The following CHD1 variants were observed in gnomAD, a reference collection of about 807,000 sequenced individuals.
The protein encoded by CHD1 is chromodomain helicase DNA binding protein 1, also known as ATP-dependent chromatin remodeler CHD1.
A neutral mutation model predicts 224.2 loss-of-function variants in CHD1; 36 were observed. That is an observed-to-expected ratio of 0.16 (90% CI 0.12 to 0.21). CHD1 has a LOEUF of 0.21. Among genes scored for constraint, CHD1 ranks in the 10% least tolerant of loss-of-function variants. The pLI is 1.00. For missense variants in CHD1, 1,378 were observed against 1,994.8 expected, an observed-to-expected ratio of 0.69 and a Z score of 5.89; for synonymous variants, 668 against 658.3, an observed-to-expected ratio of 1.01 and a Z score of -0.23.
chr5:98,921,391 T>C (rs1428440449), intron 2 of CHD1, among the ~76,000 whole-genome samples: 1 of 152,228 alleles, frequency 6.6e-6, no homozygotes, highest in Non-Finnish European at 1.5e-5. Flanking sequence ...AATAGCTTCA[T>C]ATAAATGTAT....
At chr5:98,871,981 T>C (rs1561490988) in intron 28 of CHD1, 70 bp downstream of exon 28, 1 of 1,376,904 alleles carries the variant, frequency 7.3e-7, no homozygotes, top group Non-Finnish European at 9.8e-7. Context: ...TCCAACATAA[T>C]TTAAAAGCAA....
At position 98,855,363 on chromosome 5, in the gene CHD1, C is replaced by G. The variant is rs529310149; in HGVS notation, c.*1017G>C. 2 of 152,452 alleles carry G rather than the reference C, an allele frequency of 1.3e-5. No homozygotes were observed. The highest frequency in any genetic ancestry group is 2.9e-5 in the Non-Finnish European group (2 of 67,960). The allele number at this position is 152,452 out of a possible 1,614,324, so 9.4% of individuals were successfully genotyped here. On this transcript the variant is annotated 3_prime_UTR_variant, in exon 36 of 36. Coordinates refer to ENST00000614616, the MANE Select transcript of CHD1 (RefSeq NM_001270.4). ...TGCCCACATAAAACGGGAAAACAAA[C>G]GGATTTACAATAACTTTTGGCCGTT...
Position 98,873,054 on chromosome 5 carries a change from C to T in CHD1, c.3572-499G>A, listed in dbSNP as rs186987860. Among the ~76,000 whole-genome samples the T allele has an allele frequency of 2.8e-3, 430 of 152,240 alleles. 1 individual carries two copies. Among genetic ancestry groups the T allele is most frequent in the African/African-American group, 9.4e-3 (390 of 41,532 alleles). Reference sequence around the variant, plus strand: ...TGTTGCCCAGGCTGGTCTCAAACTCCTGGGTTCAAGCTAAACTCCCATCTC... The same window carrying T: ...TGTTGCCCAGGCTGGTCTCAAACTCTTGGGTTCAAGCTAAACTCCCATCTC... On this transcript the variant is annotated intron_variant, in intron 26 of 35. Transcript: ENST00000614616.
intron 7 of CHD1, among the ~76,000 whole-genome samples, chr5:98,900,257 G>C (rs902062807): frequency 2.7e-5 from 4 of 147,496 alleles, no homozygotes. Flanking sequence ...ACTCCAGCCT[G>C]GACAACAGAA....
intron 18 of CHD1, among the ~76,000 whole-genome samples, chr5:98,884,883 T>C (rs539909648): frequency 1.3e-5 from 2 of 151,778 alleles, no homozygotes; most frequent in African/African-American, 4.8e-5. Flanking sequence ...GCCCAGTTTA[T>C]TTTTTTTACT....
At chr5:98,858,455 A>G in intron 34 of CHD1, 65 bp from the exon 35 acceptor site, 1 of 1,317,216 alleles carries the variant, frequency 7.6e-7, no homozygotes, top group Non-Finnish European at 1.1e-6. Flanking sequence ...AACTTAGTTG[A>G]TAGATAACAA....
chr5:98,928,320 G>C (rs1753631137), intron 1 of CHD1, among the ~76,000 whole-genome samples: 1 of 152,026 alleles, frequency 6.6e-6, no homozygotes, highest in Admixed American at 6.5e-5. Context: ...AGGGCCGCCG[G>C]GCCGGCGCAA....
chr5:98,923,719 T>G (rs1347869857), intron 2 of CHD1, among the ~76,000 whole-genome samples: 1 of 152,094 alleles, frequency 6.6e-6, no homozygotes, highest in Admixed American at 6.5e-5. Context: ...GGCCACAAGG[T>G]TTAATTTTTT....
chr5:98,924,885 G>A (rs189107825), intron 2 of CHD1, among the ~76,000 whole-genome samples: 2 of 152,130 alleles, frequency 1.3e-5, no homozygotes, highest in East Asian at 3.9e-4. Flanking sequence ...GGCTGAGGTA[G>A]GAGAAACACT....
intron 19 of CHD1, 75 bp from the exon 20 acceptor site, chr5:98,882,198 G>T: frequency 8.1e-7 from 1 of 1,240,074 alleles, no homozygotes; most frequent in South Asian, 1.5e-5. Flanking sequence ...CCTAAACACT[G>T]GCACACAAAT....
chr5:98,880,333 T>A (rs1180362074), intron 22 of CHD1, among the ~76,000 whole-genome samples: 3 of 152,220 alleles, frequency 2.0e-5, no homozygotes, highest in African/African-American at 2.4e-5. Context: ...TTCTGTCTTA[T>A]CTCCCCCTGC....
chr5:98,869,454 GT>G (rs2112302187), intron 30 of CHD1: 1 of 292,776 alleles, frequency 3.4e-6, no homozygotes, highest in South Asian at 7.0e-5. Flanking sequence ...TCCCATTCAA[GT>G]TCATAATACA....
intron 16 of CHD1, among the ~76,000 whole-genome samples, 188 bp from the exon 17 acceptor site, chr5:98,888,428 C>T (rs982059477): frequency 6.6e-6 from 1 of 152,136 alleles, no homozygotes; most frequent in South Asian, 2.1e-4. Flanking sequence ...CTAAAATACC[C>T]TTTGCCATAT....
chr5:98,883,363 C>T (rs1580417623), intron 18 of CHD1, 126 bp from the exon 19 acceptor site: 2 of 493,062 alleles, frequency 4.1e-6, no homozygotes, highest in East Asian at 6.5e-5. Context: ...GACCAATCAA[C>T]AAAAAGACTC....
Position 98,885,879 on chromosome 5 carries a change from T to C in CHD1, c.2497-230A>G, listed in dbSNP as rs1027269640. 1.5e-5 allele frequency: 7 copies of C among 451,852 alleles called. No homozygotes were observed. In the East Asian group the frequency reaches 2.2e-4, roughly 14 times the overall value. 28.0% of individuals were successfully genotyped at this position (451,852 alleles called of 1,614,324 possible). A position where few individuals can be genotyped will look rare whatever the true frequency, so the allele number is the denominator to read the frequency against. On this transcript the variant is annotated intron_variant, in intron 17 of 35. Coordinates refer to ENST00000614616, the MANE Select transcript of CHD1 (RefSeq NM_001270.4). ...AAATACAGCATAGGCTGTCATACTA[T>C]TCTGCCTGAGTCCCCATTCTAAAAG...
intron 2 of CHD1, among the ~76,000 whole-genome samples, chr5:98,923,491 A>T (rs1753243442): frequency 6.7e-6 from 1 of 150,170 alleles, no homozygotes; most frequent in South Asian, 2.1e-4. Context: ...TCTCCGGCTC[A>T]CTGCAACCTC....
Position 98,923,234 on chromosome 5 carries a change from C to G in CHD1, c.53+3100G>C, listed in dbSNP as rs187037481. Among the ~76,000 whole-genome samples, 191 of 152,210 alleles carry G rather than the reference C, an allele frequency of 1.3e-3. 2 individuals are homozygous for G. The highest frequency in any genetic ancestry group is 4.5e-3 in the African/African-American group (186 of 41,520). ...AAAATGAAGGCAAAAAAGAAGGTCT[C>G]TCTCCTGATAAACTCCAAGGCAGTT... On this transcript the variant is annotated intron_variant, in intron 2 of 35. Transcript: ENST00000614616.
rs1751543619 is a variant in CHD1, at chr5:98,899,346, A to C, written c.1085+134T>G. ...CCAAGGATAGAGAAGCTGTGGACAA[A>C]GACAGCCAACTGTATTATAAAGTCT... On this transcript the variant is annotated intron_variant, in intron 8 of 35. Coordinates refer to ENST00000614616, the MANE Select transcript of CHD1 (RefSeq NM_001270.4). 9 of 625,732 alleles carry C rather than the reference A, an allele frequency of 1.4e-5. No homozygotes were observed. In the South Asian group the frequency reaches 1.8e-4, roughly 13 times the overall value. The allele number at this position is 625,732 out of a possible 1,614,324, so 38.8% of individuals were successfully genotyped here. A position where few individuals can be genotyped will look rare whatever the true frequency, so the allele number is the denominator to read the frequency against.
chr5:98,874,846 T>C (rs1389530458), intron 25 of CHD1, among the ~76,000 whole-genome samples: 1 of 152,204 alleles, frequency 6.6e-6, no homozygotes, highest in Non-Finnish European at 1.5e-5. Flanking sequence ...AAGTGCAATT[T>C]AAACATGTAT....
Sources: allele counts gnomAD v4.1 joint callset (sites outside exome capture counted in the v4.1 genomes callset), GRCh38; gene constraint gnomAD v4.1.1; transcripts MANE v1.5; gene names NCBI Gene and HGNC (gene_info 2026-07-23, HGNC 2026-07-21).